The following RAD18 variants were observed in gnomAD, a reference collection of about 807,000 sequenced individuals.
The protein encoded by RAD18 is RAD18 E3 ubiquitin protein ligase.
A neutral mutation model predicts 60.4 loss-of-function variants in RAD18; 47 were observed. That is an observed-to-expected ratio of 0.78 (90% confidence interval 0.62 to 0.99). The LOEUF is 0.99. RAD18 is among the 50% of genes least tolerant of loss of function. The pLI is 0.00. For missense variants in RAD18, 640 were observed against 593.3 expected, an observed-to-expected ratio of 1.08 and a Z score of -0.82; for synonymous variants, 225 against 195.5, an observed-to-expected ratio of 1.15 and a Z score of -1.26.
chr3:8,881,283 T>A lies in RAD18; in HGVS notation c.*74A>T. The A allele has an allele frequency of 8.4e-7, 1 of 1,188,042 alleles. No homozygotes were observed. Among genetic ancestry groups the A allele is most frequent in the East Asian group, 2.4e-5 (1 of 41,486 alleles). 73.6% of individuals were successfully genotyped at this position (1,188,042 alleles called of 1,614,324 possible). On this transcript the variant is annotated 3_prime_UTR_variant, in exon 13 of 13. Transcript: ENST00000264926. ...GCATCTTTCCTTGGGCATTTATAAA[T>A]AGAAAATCTATCTGTGGCAACCAAA...
chr3:8,903,389 T>C (rs545375700), intron 9 of RAD18, among the ~76,000 whole-genome samples: 1 of 145,186 alleles, frequency 6.9e-6, no homozygotes, highest in East Asian at 2.0e-4. Flanking sequence ...CTAGGAAAGT[T>C]GAATCATCAT....
rs372811137 is a variant in RAD18, at chr3:8,936,682, A to G, written c.705-627T>C. 5.9e-5 allele frequency among the ~76,000 whole-genome samples: 9 copies of G among 152,346 alleles called. No individual in the cohort carries two copies. In the South Asian group the frequency reaches 1.2e-3, roughly 21 times the overall value. On this transcript the variant is annotated intron_variant, in intron 6 of 12. Coordinates refer to ENST00000264926, the MANE Select transcript of RAD18 (RefSeq NM_020165.4). ...AAAATTAACAGAAACTTGAAATAAT[A>G]GGTTTATCCAAAAAACAAGTTTTTA... is the stretch of plus-strand genomic sequence containing the variant.
At chr3:8,939,466 G>C in intron 6 of RAD18, 88 bp downstream of exon 6, 1 of 1,097,498 alleles carries the variant, frequency 9.1e-7, no homozygotes. Flanking sequence ...ACGGTCACCA[G>C]GATAAAAGGA....
In RAD18 at chr3:8,904,154, C is replaced by T. The variant is rs142119620; in HGVS notation, c.1028-1634G>A. ...TCATTATACATTCATTTCAATGTTC[C>T]TCATCTGTAAATGTGATGATTCTTT... On this transcript the variant is annotated intron_variant, in intron 9 of 12. Transcript: ENST00000264926. 1.7e-3 allele frequency among the ~76,000 whole-genome samples: 258 copies of T among 152,264 alleles called. 2 individuals carry two copies. Among genetic ancestry groups the T allele is most frequent in the African/African-American group, 5.9e-3 (244 of 41,566 alleles).
chr3:8,941,418 T>C (rs1940743903), intron 5 of RAD18, 49 bp downstream of exon 5: 1 of 1,434,576 alleles, frequency 7.0e-7, no homozygotes, highest in South Asian at 1.3e-5. Context: ...TCTTATGTCA[T>C]GTGGATGAAA....
chr3:8,922,082 C>T (rs950768856), intron 7 of RAD18, among the ~76,000 whole-genome samples: 1 of 152,162 alleles, frequency 6.6e-6, no homozygotes, highest in Non-Finnish European at 1.5e-5. Context: ...GATTTTCGGA[C>T]AGTGGGTGCA....
chr3:8,946,605 T>C (rs537986103), intron 4 of RAD18, among the ~76,000 whole-genome samples: 1 of 152,220 alleles, frequency 6.6e-6, no homozygotes, highest in Non-Finnish European at 1.5e-5. Flanking sequence ...ATTCATGCAT[T>C]TGACAGGAAG....
intron 3 of RAD18, 33 bp from the exon 4 acceptor site, chr3:8,947,323 C>A: frequency 1.3e-6 from 2 of 1,498,980 alleles, no homozygotes; most frequent in South Asian, 2.3e-5. Flanking sequence ...GGAAAAAGGT[C>A]AAAAACAATA....
intron 2 of RAD18, among the ~76,000 whole-genome samples, chr3:8,952,353 C>G (rs568794666): frequency 6.6e-6 from 1 of 152,244 alleles, no homozygotes; most frequent in South Asian, 2.1e-4. Flanking sequence ...ATGCTGTTCT[C>G]TTTATACTAT....
intron 7 of RAD18, among the ~76,000 whole-genome samples, chr3:8,934,578 A>T (rs1940618461): frequency 2.0e-5 from 3 of 152,242 alleles, no homozygotes; most frequent in Admixed American, 2.0e-4. Flanking sequence ...GAGAGTTAAC[A>T]GTGGTGATGT....
At chr3:8,944,589 T>C (rs779050145) in intron 4 of RAD18, among the ~76,000 whole-genome samples, 8 of 110,986 alleles carry the variant, frequency 7.2e-5, no homozygotes, top group African/African-American at 1.1e-4. Flanking sequence ...GAGGGAGGAA[T>C]AGAGAGGGGA....
At chr3:8,907,610 G>GCAAGCTGCTGAGCGTCAGGGATA (rs1370207494) in intron 9 of RAD18, among the ~76,000 whole-genome samples, 1 of 152,178 alleles carries the variant, frequency 6.6e-6, no homozygotes, top group Non-Finnish European at 1.5e-5. Flanking sequence ...GGTCAGGGAT[G>GCAAGCTGCTGAGCGTCAGGGATA]CAAGCTGCTG....
In RAD18 at chr3:8,881,269, T is replaced by C; in HGVS notation, c.*88A>G. 1.9e-6 allele frequency: 2 copies of C among 1,041,290 alleles called. No homozygotes were observed. Among genetic ancestry groups the C allele is most frequent in the Admixed American group, 2.2e-5 (1 of 44,990 alleles). The allele number at this position is 1,041,290 out of a possible 1,614,324, so 64.5% of individuals were successfully genotyped here. ...ATATTTAGAATTTAGCATCTTTCCT[T>C]GGGCATTTATAAATAGAAAATCTAT... On this transcript the variant is annotated 3_prime_UTR_variant, in exon 13 of 13. Coordinates refer to ENST00000264926, the MANE Select transcript of RAD18 (RefSeq NM_020165.4).
At chr3:8,936,671 C>T (rs1940658514) in intron 6 of RAD18, among the ~76,000 whole-genome samples, 1 of 152,152 alleles carries the variant, frequency 6.6e-6, no homozygotes. Context: ...TTAACAGAAA[C>T]TTGAAATAAT....
At chr3:8,948,100 G>A (rs1022893352) in intron 3 of RAD18, among the ~76,000 whole-genome samples, 1 of 152,160 alleles carries the variant, frequency 6.6e-6, no homozygotes, top group African/African-American at 2.4e-5. Context: ...AGCTCTGGTA[G>A]GGGAAAGATG....
At chr3:8,929,206 G>A (rs1263809063) in intron 7 of RAD18, among the ~76,000 whole-genome samples, 1 of 151,814 alleles carries the variant, frequency 6.6e-6, no homozygotes, top group African/African-American at 2.4e-5. Context: ...CCTAAAGTAA[G>A]TAGAAAGAAG....
chr3:8,922,388 G>A lies in RAD18; in HGVS notation c.890-8668C>T, dbSNP rs1409535273. Among the ~76,000 whole-genome samples, 4 of 152,242 alleles carry A rather than the reference G, an allele frequency of 2.6e-5. No homozygotes were observed. The East Asian group carries it at 5.8e-4, about 22-fold the overall frequency. ...ACTGCAAGGTGGCAGTGAGGCTGGG[G>A]GAGGGGTGCCTGCCATTGCTGGAGG... On this transcript the variant is annotated intron_variant, in intron 7 of 12. Coordinates refer to ENST00000264926, the MANE Select transcript of RAD18 (RefSeq NM_020165.4).
chr3:8,887,174 A>G (rs150012843), intron 12 of RAD18, among the ~76,000 whole-genome samples: 1 of 152,190 alleles, frequency 6.6e-6, no homozygotes, highest in African/African-American at 2.4e-5. Context: ...TCCTAAATCT[A>G]CTGAATCAGA....
chr3:8,884,620 T>C (rs1939525303), intron 12 of RAD18, among the ~76,000 whole-genome samples: 1 of 85,796 alleles, frequency 1.2e-5, no homozygotes, highest in African/African-American at 3.3e-5. Flanking sequence ...TTTAACAATT[T>C]TCAGTAATTT....
Sources: allele counts gnomAD v4.1 joint callset (sites outside exome capture counted in the v4.1 genomes callset), GRCh38; gene constraint gnomAD v4.1.1; transcripts MANE v1.5; gene names NCBI Gene and HGNC (gene_info 2026-07-23, HGNC 2026-07-21).